The following HNRNPA0 variants were observed in gnomAD, a reference collection of about 807,000 sequenced individuals.
The protein encoded by HNRNPA0 is heterogeneous nuclear ribonucleoprotein A0, also known as hnRNA binding protein.
For missense variants in HNRNPA0, 252 were observed against 433.7 expected, an observed-to-expected ratio of 0.58 and a Z score of 3.72; for synonymous variants, 243 against 195.5, an observed-to-expected ratio of 1.24 and a Z score of -2.03.
At position 137,753,120 on chromosome 5, in the gene HNRNPA0, A is replaced by G. The variant is rs1380649189; in HGVS notation, c.*29T>C. 6.3e-7 allele frequency: 1 copy of G among 1,594,474 alleles called. No individual in the cohort carries two copies. Among genetic ancestry groups the G allele is most frequent in the Admixed American group, 1.7e-5 (1 of 58,874 alleles). The stretch of plus-strand genomic sequence containing the variant: ...GGCTGTTGGAAAGAGCTACCCCTAT[A>G]GCCACTCCCAGGCATTTTAAATTTT... On this transcript the variant is annotated 3_prime_UTR_variant, in exon 1 of 1. Coordinates refer to ENST00000314940, the MANE Select transcript of HNRNPA0 (RefSeq NM_006805.4). The surrounding 1 kb of genome is among the most constrained non-coding windows in gnomAD (Gnocchi z 6.1).
rs982641190 is a variant in HNRNPA0, at chr5:137,752,990, A to G, written c.*159T>C. The G allele has an allele frequency of 3.0e-6, 2 of 670,036 alleles. No homozygotes were observed. The highest frequency in any genetic ancestry group is 1.8e-5 in the African/African-American group (1 of 55,374). The allele number at this position is 670,036 out of a possible 1,614,324, so 41.5% of individuals were successfully genotyped here. ...GACAAGAGAGGTGGCAGGCAAATAG[A>G]GGAACACCCCCAAGGGTAAGCAGCC... On this transcript the variant is annotated 3_prime_UTR_variant, in exon 1 of 1. Coordinates refer to ENST00000314940, the MANE Select transcript of HNRNPA0 (RefSeq NM_006805.4).
Position 137,752,987 on chromosome 5 carries a change from T to G in HNRNPA0, c.*162A>C. On this transcript the variant is annotated 3_prime_UTR_variant, in exon 1 of 1. Transcript: ENST00000314940. ...AGAGACAAGAGAGGTGGCAGGCAAATAGAGGAACACCCCCAAGGGTAAGCA... is the reference window on the plus strand; with the variant it reads ...AGAGACAAGAGAGGTGGCAGGCAAAGAGAGGAACACCCCCAAGGGTAAGCA... 1.5e-6 allele frequency: 1 copy of G among 655,138 alleles called. No homozygotes were observed. Among genetic ancestry groups the G allele is most frequent in the Non-Finnish European group, 2.5e-6 (1 of 399,580 alleles). 40.6% of individuals were successfully genotyped at this position (655,138 alleles called of 1,614,324 possible).
rs965873839 is a variant in HNRNPA0 at position 137,751,966 on chromosome 5, T to C, written c.*1183A>G. The stretch of plus-strand genomic sequence containing the variant: ...TTAACTTCCAATTCTGCAAAGAATT[T>C]TGATGGCAAAACTTCCAAATCTGAT... On this transcript the variant is annotated 3_prime_UTR_variant, in exon 1 of 1. Coordinates refer to ENST00000314940, the MANE Select transcript of HNRNPA0 (RefSeq NM_006805.4). The C allele has an allele frequency of 6.6e-6, 1 of 152,668 alleles. No individual in the cohort carries two copies. Among genetic ancestry groups the C allele is most frequent in the African/African-American group, 2.4e-5 (1 of 41,456 alleles). The allele number at this position is 152,668 out of a possible 1,614,324, so 9.5% of individuals were successfully genotyped here.
Position 137,753,798 on chromosome 5 carries a change from C to A in HNRNPA0, c.269G>T (p.Arg90Leu). Residue 90 changes from arginine to leucine, a missense_variant, in exon 1 of 1, where the codon CGG becomes CTG. Transcript: ENST00000314940. This position sits in a 1 kb window ranked among gnomAD's most constrained non-coding sequence, Gnocchi z 6.1. ...CTTAACCTTGGCGTGGGCACCGGGC[C>A]GCGCCGAATCCTCCCGGGACACCGC... is the stretch of plus-strand genomic sequence containing the variant. ...KRAVSREDSA[R>L]PGAHAKVKKL... 6.2e-7 allele frequency: 1 copy of A among 1,610,574 alleles called. No individual in the cohort carries two copies. Among genetic ancestry groups the A allele is most frequent in the South Asian group, 1.1e-5 (1 of 91,088 alleles).
chr5:137,751,556 A>ACT lies in HNRNPA0; in HGVS notation c.*1591_*1592dup, dbSNP rs1753498076. The ACT allele has an allele frequency of 6.7e-6, 1 of 149,820 alleles. No homozygotes were observed. Among genetic ancestry groups the ACT allele is most frequent in the East Asian group, 2.0e-4 (1 of 5,110 alleles). The allele number at this position is 149,820 out of a possible 1,614,324, so 9.3% of individuals were successfully genotyped here. A position where few individuals can be genotyped will look rare whatever the true frequency, so the allele number is the denominator to read the frequency against. ...TGAACCCACCCACCAGGTTATACAT[A>ACT]CTCTCACTCAATCATGTAAAGAATT... On this transcript the variant is annotated 3_prime_UTR_variant, in exon 1 of 1. Coordinates refer to ENST00000314940, the MANE Select transcript of HNRNPA0 (RefSeq NM_006805.4).
rs1753461757 is a variant in HNRNPA0 at position 137,749,499 on chromosome 5, A to G, written c.*3650T>C. ...CTTGTAACATTTAAATTCTCATTCA[A>G]GGCAAATATGAAGTTCACTCAAAAG... On this transcript the variant is annotated 3_prime_UTR_variant, in exon 1 of 1. Coordinates refer to ENST00000314940, the MANE Select transcript of HNRNPA0 (RefSeq NM_006805.4). 1 of 152,182 alleles carries G rather than the reference A, an allele frequency of 6.6e-6. No homozygotes were observed. Among genetic ancestry groups the G allele is most frequent in the Non-Finnish European group, 1.5e-5 (1 of 68,032 alleles). 9.4% of individuals were successfully genotyped at this position (152,182 alleles called of 1,614,324 possible).
chr5:137,748,794 A>C lies in HNRNPA0; in HGVS notation c.*4355T>G, dbSNP rs955757713. ...ATGAAGCAAATTACATTTGCAACGTAAGCATCAAAGACAAAATACACCTTT... is the reference window on the plus strand; with the variant it reads ...ATGAAGCAAATTACATTTGCAACGTCAGCATCAAAGACAAAATACACCTTT... On this transcript the variant is annotated 3_prime_UTR_variant, in exon 1 of 1. Transcript: ENST00000314940. 3 of 152,190 alleles carry C rather than the reference A, an allele frequency of 2.0e-5. No individual in the cohort carries two copies. The highest frequency in any genetic ancestry group is 7.2e-5 in the African/African-American group (3 of 41,442). The allele number at this position is 152,190 out of a possible 1,614,324, so 9.4% of individuals were successfully genotyped here.
rs1447081400 is a variant in HNRNPA0, at chr5:137,748,213, GT to G, written c.*4935del. 2 of 152,090 alleles carry G rather than the reference GT, an allele frequency of 1.3e-5. No homozygotes were observed. The highest frequency in any genetic ancestry group is 2.9e-5 in the Non-Finnish European group (2 of 67,996). The allele number at this position is 152,090 out of a possible 1,614,324, so 9.4% of individuals were successfully genotyped here. A position where few individuals can be genotyped will look rare whatever the true frequency, so the allele number is the denominator to read the frequency against. ...TTCTCTATAAGACCTATCTTTTAAG[GT>G]TAAATGTTATATGCTCCACAATGCC... On this transcript the variant is annotated 3_prime_UTR_variant, in exon 1 of 1. Coordinates refer to ENST00000314940, the MANE Select transcript of HNRNPA0 (RefSeq NM_006805.4).
rs763317462 is a variant in HNRNPA0 at position 137,753,866 on chromosome 5, G to A, written c.201C>T (p.Ala67=). 2 of 1,613,268 alleles carry A rather than the reference G, an allele frequency of 1.2e-6. No individual in the cohort carries two copies. Among genetic ancestry groups the A allele is most frequent in the Non-Finnish European group, 1.7e-6 (2 of 1,180,014 alleles). ...NVEEADAAMA[A]SPHAVDGNTV... is the part of the protein sequence containing the mutation. ...TGTTGCCGTCCACGGCATGGGGCGA[G>A]GCGGCCATGGCGGCGTCCGCCTCCT... Residue 67 remains alanine (A), a synonymous_variant, in exon 1 of 1, where the codon GCC becomes GCT. Coordinates refer to ENST00000314940, the MANE Select transcript of HNRNPA0 (RefSeq NM_006805.4). This position sits in a 1 kb window ranked among gnomAD's most constrained non-coding sequence, Gnocchi z 6.1.
In HNRNPA0 at chr5:137,747,086, A is replaced by G. The variant is rs962865316; in HGVS notation, c.*6063T>C. On this transcript the variant is annotated 3_prime_UTR_variant, in exon 1 of 1. Transcript: ENST00000314940. ...AAGGTTTGAACCTTCTTGGGACTAG[A>G]GAATCTAGCAATAGGAGACAGTTAC... is the stretch of plus-strand genomic sequence containing the variant. 6.6e-6 allele frequency: 1 copy of G among 152,216 alleles called. No homozygotes were observed. The highest frequency in any genetic ancestry group is 1.5e-5 in the Non-Finnish European group (1 of 68,036). 9.4% of individuals were successfully genotyped at this position (152,216 alleles called of 1,614,324 possible). A position where few individuals can be genotyped will look rare whatever the true frequency, so the allele number is the denominator to read the frequency against.
rs1485631559 is a variant in HNRNPA0 at position 137,747,940 on chromosome 5, A to T, written c.*5209T>A. 6.6e-6 allele frequency: 1 copy of T among 152,218 alleles called. No homozygotes were observed. Among genetic ancestry groups the T allele is most frequent in the Non-Finnish European group, 1.5e-5 (1 of 68,022 alleles). The allele number at this position is 152,218 out of a possible 1,614,324, so 9.4% of individuals were successfully genotyped here. ...TCAATGAAGCTTAGTAGAAGGAGCG[A>T]AACAACTAGAATTGGTCAAACTTGG... On this transcript the variant is annotated 3_prime_UTR_variant, in exon 1 of 1. Transcript: ENST00000314940.
In HNRNPA0 at chr5:137,751,908, CTGTG is replaced by C. The variant is rs2149947980; in HGVS notation, c.*1237_*1240del. On this transcript the variant is annotated 3_prime_UTR_variant, in exon 1 of 1. Coordinates refer to ENST00000314940, the MANE Select transcript of HNRNPA0 (RefSeq NM_006805.4). ...GTGATATGAACTGGCAACTACATTCCTGTGAAGCCCATCTCAGTTACAAGCAAAT... is the reference window on the plus strand; with the variant it reads ...GTGATATGAACTGGCAACTACATTCCAAGCCCATCTCAGTTACAAGCAAAT... The C allele has an allele frequency of 6.5e-6, 1 of 152,804 alleles. No individual in the cohort carries two copies. The highest frequency in any genetic ancestry group is 1.9e-4 in the East Asian group (1 of 5,190). 9.5% of individuals were successfully genotyped at this position (152,804 alleles called of 1,614,324 possible). A position where few individuals can be genotyped will look rare whatever the true frequency, so the allele number is the denominator to read the frequency against.
In HNRNPA0 at chr5:137,749,917, T is replaced by C. The variant is rs969327629; in HGVS notation, c.*3232A>G. ...AATTTCTCAAGTATCCTCAATCTTT[T>C]AGGTTTACTTAAAAATTATGAAAAT... On this transcript the variant is annotated 3_prime_UTR_variant, in exon 1 of 1. Transcript: ENST00000314940. 1 of 152,224 alleles carries C rather than the reference T, an allele frequency of 6.6e-6. No homozygotes were observed. The highest frequency in any genetic ancestry group is 1.5e-5 in the Non-Finnish European group (1 of 68,016). 9.4% of individuals were successfully genotyped at this position (152,224 alleles called of 1,614,324 possible). A position where few individuals can be genotyped will look rare whatever the true frequency, so the allele number is the denominator to read the frequency against.
In HNRNPA0 at chr5:137,750,438, A is replaced by G. The variant is rs1753477359; in HGVS notation, c.*2711T>C. On this transcript the variant is annotated 3_prime_UTR_variant, in exon 1 of 1. Transcript: ENST00000314940. ...AAATGCCAAAGATCTTCACATTAAG[A>G]TGAAAAATAGGAGGTTCACTTTTAT... is the stretch of plus-strand genomic sequence containing the variant. 1 of 152,196 alleles carries G rather than the reference A, an allele frequency of 6.6e-6. No homozygotes were observed. Among genetic ancestry groups the G allele is most frequent in the Non-Finnish European group, 1.5e-5 (1 of 68,018 alleles). The allele number at this position is 152,196 out of a possible 1,614,324, so 9.4% of individuals were successfully genotyped here.
Position 137,754,202 on chromosome 5 carries a change from A to C in HNRNPA0, c.-136T>G. The C allele has an allele frequency of 8.9e-7, 1 of 1,126,082 alleles. No homozygotes were observed. Among genetic ancestry groups the C allele is most frequent in the Non-Finnish European group, 1.2e-6 (1 of 808,624 alleles). The allele number at this position is 1,126,082 out of a possible 1,614,324, so 69.8% of individuals were successfully genotyped here. A position where few individuals can be genotyped will look rare whatever the true frequency, so the allele number is the denominator to read the frequency against. The stretch of plus-strand genomic sequence containing the variant: ...CACCCCCGCCGCTCACCGACGGGGA[A>C]GGGAAAAAGGGAAGGGGAGGGAAGG... On this transcript the variant is annotated 5_prime_UTR_variant, in exon 1 of 1. Transcript: ENST00000314940.
At position 137,754,208 on chromosome 5, in the gene HNRNPA0, AAAGGG is replaced by A; in HGVS notation, c.-147_-143del. ...CGCCGCTCACCGACGGGGAAGGGAA[AAAGGG>A]AAGGGGAGGGAAGGAAGGAAGAGAG... is the stretch of plus-strand genomic sequence containing the variant. On this transcript the variant is annotated 5_prime_UTR_variant, in exon 1 of 1. Transcript: ENST00000314940. The A allele has an allele frequency of 8.7e-7, 1 of 1,145,870 alleles. No individual in the cohort carries two copies. The highest frequency in any genetic ancestry group is 2.0e-4 in the Middle Eastern group (1 of 4,910). The allele number at this position is 1,145,870 out of a possible 1,614,324, so 71.0% of individuals were successfully genotyped here.
chr5:137,747,663 A>C lies in HNRNPA0; in HGVS notation c.*5486T>G, dbSNP rs1753430033. ...TGGTTAACATCAGTTGTCTTAGCAA[A>C]CTTGCCACTTTGAAACATCCCCCAC... is the stretch of plus-strand genomic sequence containing the variant. On this transcript the variant is annotated 3_prime_UTR_variant, in exon 1 of 1. Transcript: ENST00000314940. 1 of 152,214 alleles carries C rather than the reference A, an allele frequency of 6.6e-6. No homozygotes were observed. 9.4% of individuals were successfully genotyped at this position (152,214 alleles called of 1,614,324 possible). A position where few individuals can be genotyped will look rare whatever the true frequency, so the allele number is the denominator to read the frequency against.
rs777735454 is a variant in HNRNPA0, at chr5:137,753,317, G to A, written c.750C>T (p.Asn250=). The A allele has an allele frequency of 3.8e-6, 6 of 1,566,396 alleles. No homozygotes were observed. The South Asian group carries it at 5.8e-5, about 15-fold the overall frequency. ...GSSYGGSDYG[N]GFGGFGSYSQ... ...TGTAGCTGCCGAAGCCGCCGAAGCCGTTACCGTAGTCGCTCCCACCGTAGG... is the reference window on the plus strand; with the variant it reads ...TGTAGCTGCCGAAGCCGCCGAAGCCATTACCGTAGTCGCTCCCACCGTAGG... Residue 250 remains asparagine (N), a synonymous_variant, in exon 1 of 1, where the codon AAC becomes AAT. Transcript: ENST00000314940. This position sits in a 1 kb window ranked among gnomAD's most constrained non-coding sequence, Gnocchi z 6.1.
rs1167299530 is a variant in HNRNPA0, at chr5:137,748,745, G to T, written c.*4404C>A. On this transcript the variant is annotated 3_prime_UTR_variant, in exon 1 of 1. Transcript: ENST00000314940. Reference sequence around the variant, plus strand: ...CCAAATTTACGTCCTTAAGGGCTATGAAATATTAAATCAGATACCCACTAT... The same window carrying T: ...CCAAATTTACGTCCTTAAGGGCTATTAAATATTAAATCAGATACCCACTAT... The T allele has an allele frequency of 2.0e-5, 3 of 152,238 alleles. No individual in the cohort carries two copies. Among genetic ancestry groups the T allele is most frequent in the East Asian group, 3.9e-4 (2 of 5,182 alleles). 9.4% of individuals were successfully genotyped at this position (152,238 alleles called of 1,614,324 possible).
Sources: gnomAD v4.1 joint callset for allele counts on GRCh38, gnomAD v4.1.1 for gene constraint, Gnocchi (gnomAD v3.1) non-coding constraint, MANE v1.5 for transcripts, NCBI Gene and HGNC (gene_info 2026-07-23, HGNC 2026-07-21) for gene names.